Variants in PDE10A observed in about 807,000 individuals in gnomAD.
PDE10A encodes cAMP and cAMP-inhibited cGMP 3',5'-cyclic phosphodiesterase 10A.
In PDE10A, 39 loss-of-function variants were observed where a neutral mutation model predicts 97.7. The ratio of observed to expected loss-of-function variants is 0.40; its 90% CI spans 0.31 to 0.52. The LOEUF (loss-of-function observed/expected upper bound fraction) is 0.52. Among genes scored for constraint, PDE10A ranks in the 20% least tolerant of loss-of-function variants. PDE10A has a pLI of 0.56. For missense variants in PDE10A, 731 were observed against 1,047.8 expected (o/e 0.70, Z 4.17); for synonymous variants, 371 against 376.8 (o/e 0.98, Z 0.18).
chr6:165,906,263 A>C (rs1475410944), intron 1 of PDE10A, among the ~76,000 whole-genome samples: 3 of 151,116 alleles, frequency 2.0e-5, no homozygotes. Flanking sequence ...GCGCAGTGGA[A>C]AGGAGGAAGC....
intron 1 of PDE10A, among the ~76,000 whole-genome samples, chr6:165,683,931 G>A (rs1441872602): frequency 6.6e-6 from 1 of 152,144 alleles, no homozygotes; most frequent in Non-Finnish European, 1.5e-5. Flanking sequence ...CCACCTCCTG[G>A]CTATTCCTCA....
chr6:165,794,258 CACAT>C (rs1439012567), intron 1 of PDE10A, among the ~76,000 whole-genome samples: 5 of 151,058 alleles, frequency 3.3e-5, no homozygotes, highest in East Asian at 2.0e-4. Context: ...TGCTCACACT[CACAT>C]ACACACTCAT....
At chr6:165,831,965 C>T (rs1256301033) in intron 1 of PDE10A, among the ~76,000 whole-genome samples, 1 of 151,126 alleles carries the variant, frequency 6.6e-6, no homozygotes, top group Admixed American at 6.6e-5. Flanking sequence ...TACTTAAAGA[C>T]AAATGCAAAC....
At chr6:165,987,907 A>G (rs1405056647) in exon 1 of PDE10A, 1 of 373,070 alleles carries the variant, frequency 2.7e-6, no homozygotes, top group East Asian at 7.3e-5. Flanking sequence ...ATCTCAGCTC[A>G]AGCTCCCAGC....
intron 2 of PDE10A, among the ~76,000 whole-genome samples, chr6:165,495,960 G>C (rs537005184): frequency 6.6e-6 from 1 of 152,042 alleles, no homozygotes; most frequent in South Asian, 2.1e-4. Flanking sequence ...ATATCATACA[G>C]CGAGTTGGAA....
chr6:165,870,369 T>C (rs1053900672), intron 1 of PDE10A, among the ~76,000 whole-genome samples: 2 of 152,168 alleles, frequency 1.3e-5, no homozygotes, highest in East Asian at 1.9e-4. Flanking sequence ...TCACTAATCA[T>C]TGTGGAAAAG....
chr6:165,433,864 C>G (rs220824), intron 6 of PDE10A, among the ~76,000 whole-genome samples: 1 of 150,776 alleles, frequency 6.6e-6, no homozygotes, highest in African/African-American at 2.4e-5. Flanking sequence ...AAATACAAAA[C>G]AAATTAGCCG....
At chr6:165,363,201 G>C (rs1783537988) in intron 18 of PDE10A, among the ~76,000 whole-genome samples, 1 of 152,100 alleles carries the variant, frequency 6.6e-6, no homozygotes, top group Non-Finnish European at 1.5e-5. Flanking sequence ...TTCAGCATAA[G>C]CCAAACCAAT....
intron 1 of PDE10A, among the ~76,000 whole-genome samples, chr6:165,861,638 C>T (rs150316997): frequency 4.6e-5 from 7 of 151,866 alleles, no homozygotes; most frequent in South Asian, 4.2e-4. Flanking sequence ...GATGGGAGTT[C>T]GCTGGGAAGG....
rs1783427689 is a variant in PDE10A, at chr6:165,541,370, C to T, written c.994+2070G>A. 2.6e-5 allele frequency among the ~76,000 whole-genome samples: 4 copies of T among 152,012 alleles called. No homozygotes were observed. The South Asian group carries it at 8.3e-4, about 31-fold the overall frequency. On this transcript the variant is annotated intron_variant, in intron 2 of 21. Transcript: ENST00000539869. ...AACTGAGTAGAGTTTCAGTTACACACTGCTGGTCTTAACAATTATTTAACT... is the reference window on the plus strand; with the variant it reads ...AACTGAGTAGAGTTTCAGTTACACATTGCTGGTCTTAACAATTATTTAACT...
chr6:165,799,290 CT>C (rs1398177533), intron 1 of PDE10A, among the ~76,000 whole-genome samples: 1 of 152,192 alleles, frequency 6.6e-6, no homozygotes. Context: ...ATGTACCCCA[CT>C]GGTTTTTACC....
chr6:165,783,108 G>C (rs886676509), intron 1 of PDE10A, among the ~76,000 whole-genome samples: 19 of 152,044 alleles, frequency 1.2e-4, no homozygotes, highest in African/African-American at 4.6e-4. Flanking sequence ...TGGCTACTTA[G>C]CCATCTAAAA....
Position 165,407,856 on chromosome 6 carries a change from A to T in PDE10A, c.2076+5645T>A, listed in dbSNP as rs554482516. On this transcript the variant is annotated intron_variant, in intron 13 of 21. Transcript: ENST00000539869. ...AAATTAATTGACTTGGATTTAAAAG[A>T]TGTTTTCTGTTGATAGTACTTCCCA... is the stretch of plus-strand genomic sequence containing the variant. Among the ~76,000 whole-genome samples the T allele has an allele frequency of 6.6e-5, 10 of 152,330 alleles. 1 individual carries two copies. In the South Asian group the frequency reaches 1.9e-3, roughly 28 times the overall value.
At chr6:165,650,482 T>C (rs181883274) in intron 1 of PDE10A, among the ~76,000 whole-genome samples, 1 of 133,292 alleles carries the variant, frequency 7.5e-6, no homozygotes, top group Non-Finnish European at 1.7e-5. Flanking sequence ...TTGTCCTTTC[T>C]AACATAAAAA....
At chr6:165,633,704 T>TGCAAC (rs1788739615) in intron 1 of PDE10A, among the ~76,000 whole-genome samples, 1 of 152,012 alleles carries the variant, frequency 6.6e-6, no homozygotes, top group Non-Finnish European at 1.5e-5. Flanking sequence ...CTCAGCTCAC[T>TGCAAC]GCAACCTCTA....
At chr6:165,414,415 C>A (rs1788157611) in intron 12 of PDE10A, among the ~76,000 whole-genome samples, 2 of 152,192 alleles carry the variant, frequency 1.3e-5, no homozygotes, top group African/African-American at 4.8e-5. Context: ...TAGGTAGTTA[C>A]ATGGGAGTCT....
At chr6:165,837,189 T>C (rs1169127337) in intron 1 of PDE10A, among the ~76,000 whole-genome samples, 1 of 148,016 alleles carries the variant, frequency 6.8e-6, no homozygotes, top group Non-Finnish European at 1.5e-5. Context: ...CCCTAAAACT[T>C]AAAGTATAAT....
At chr6:165,774,408 A>T (rs1778102736) in intron 1 of PDE10A, among the ~76,000 whole-genome samples, 1 of 150,126 alleles carries the variant, frequency 6.7e-6, no homozygotes, top group African/African-American at 2.4e-5. Flanking sequence ...AATGCATGAA[A>T]GTACTGAATA....
At chr6:165,912,985 A>G (rs1453156789) in intron 1 of PDE10A, among the ~76,000 whole-genome samples, 1 of 152,212 alleles carries the variant, frequency 6.6e-6, no homozygotes, top group African/African-American at 2.4e-5. Flanking sequence ...GAAAGTTCAA[A>G]ATGCTCTAAA....
Sources: allele counts gnomAD v4.1 joint callset (sites outside exome capture counted in the v4.1 genomes callset), GRCh38; gene constraint gnomAD v4.1.1; transcripts MANE v1.5; gene names NCBI Gene and HGNC (gene_info 2026-07-23, HGNC 2026-07-21).